CCDC163: variants seen among roughly 807,000 people sequenced by gnomAD.
CCDC163 encodes the protein transmembrane protein CCDC163.
Under a neutral mutation model 8.2 loss-of-function variants are expected in CCDC163, and 13 were observed. That is an observed-to-expected ratio of 1.59 (90% CI 1.04 to 2.54). The LOEUF is 2.54. Ranked by LOEUF, CCDC163 falls within the 30% of genes most tolerant of loss-of-function variation. The pLI is 0.00. For missense variants in CCDC163, 117 were observed against 78.6 expected (o/e 1.49, Z -1.85); for synonymous variants, 41 against 30.9 (o/e 1.33, Z -1.08).
In CCDC163 at chr1:45,496,554, A is replaced by C. The variant is rs1435386385; in HGVS notation, c.330+2T>G. 2 of 780,438 alleles carry C rather than the reference A, an allele frequency of 2.6e-6. No homozygotes were observed. The highest frequency in any genetic ancestry group is 3.4e-5 in the Admixed American group (2 of 58,976). 48.3% of individuals were successfully genotyped at this position (780,438 alleles called of 1,614,324 possible). A position where few individuals can be genotyped will look rare whatever the true frequency, so the allele number is the denominator to read the frequency against. On this transcript the variant is annotated splice_donor_variant, in intron 4 of 4. Coordinates refer to ENST00000629482, the MANE Select transcript of CCDC163 (RefSeq NM_001102601.3). LOFTEE classifies it high-confidence loss of function. ...CAGAGACAAGTCTGAACCTAGTCCTACCTTCCAACTGCCAACCTGAGCCTG... is the reference window on the plus strand; with the variant it reads ...CAGAGACAAGTCTGAACCTAGTCCTCCCTTCCAACTGCCAACCTGAGCCTG...
At chr1:45,497,688 C>A (rs373024152) in intron 2 of CCDC163, among the ~76,000 whole-genome samples, 2 of 62,762 alleles carry the variant, frequency 3.2e-5, no homozygotes, top group African/African-American at 6.7e-5. Context: ...CCGGCAGCCA[C>A]CCCGTCCGGG....
Position 45,499,819 on chromosome 1 carries a change from G to C in CCDC163, c.-210C>G. 1 of 586,694 alleles carries C rather than the reference G, an allele frequency of 1.7e-6. No individual in the cohort carries two copies. Among genetic ancestry groups the C allele is most frequent in the African/African-American group, 1.9e-5 (1 of 53,708 alleles). 36.3% of individuals were successfully genotyped at this position (586,694 alleles called of 1,614,324 possible). A position where few individuals can be genotyped will look rare whatever the true frequency, so the allele number is the denominator to read the frequency against. ...AAAGGAAGGACGCTCTTGGGGAACTGGGGGAAAAGCGGGATACCGTGATGA... is the reference window on the plus strand; with the variant it reads ...AAAGGAAGGACGCTCTTGGGGAACTCGGGGAAAAGCGGGATACCGTGATGA... On this transcript the variant is annotated 5_prime_UTR_variant, in exon 1 of 5. Coordinates refer to ENST00000629482, the MANE Select transcript of CCDC163 (RefSeq NM_001102601.3).
At chr1:45,496,666 T>C in intron 3 of CCDC163, 43 bp from the exon 4 acceptor site, 1 of 753,208 alleles carries the variant, frequency 1.3e-6, no homozygotes. Context: ...CCCCAACTTC[T>C]TTCCTTCTCC....
intron 4 of CCDC163, chr1:45,495,496 T>C: frequency 1.4e-6 from 1 of 702,740 alleles, no homozygotes; most frequent in East Asian, 2.7e-5. Flanking sequence ...ACAGACATGG[T>C]GAAGGTAGTG....
In CCDC163 at chr1:45,494,907, G is replaced by A. The variant is rs1164425459; in HGVS notation, c.*152C>T. ...TGCAGTGAGCTGAGATGGGGGGCAA[G>A]GATGGGCAGGCAGTGAAAAGCCTCA... On this transcript the variant is annotated 3_prime_UTR_variant, in exon 5 of 5. Coordinates refer to ENST00000629482, the MANE Select transcript of CCDC163 (RefSeq NM_001102601.3). 8.0e-6 allele frequency: 5 copies of A among 623,066 alleles called. No individual in the cohort carries two copies. The highest frequency in any genetic ancestry group is 1.4e-5 in the Non-Finnish European group (5 of 346,230). The allele number at this position is 623,066 out of a possible 1,614,324, so 38.6% of individuals were successfully genotyped here. A position where few individuals can be genotyped will look rare whatever the true frequency, so the allele number is the denominator to read the frequency against.
chr1:45,498,024 T>A (rs1359291271), intron 2 of CCDC163, among the ~76,000 whole-genome samples: 2 of 150,206 alleles, frequency 1.3e-5, no homozygotes, highest in African/African-American at 4.9e-5. Flanking sequence ...CTTTTCATTT[T>A]GTTCTGTACT....
At chr1:45,495,690 G>A (rs1439421238) in intron 4 of CCDC163, 2 of 588,082 alleles carry the variant, frequency 3.4e-6, no homozygotes, top group Non-Finnish European at 6.0e-6. Context: ...TTTTTGAGAT[G>A]GAGTCTCACT....
intron 3 of CCDC163, 35 bp downstream of exon 3, chr1:45,497,264 A>G (rs1654238105): frequency 1.3e-6 from 1 of 766,570 alleles, no homozygotes; most frequent in Non-Finnish European, 2.4e-6. Flanking sequence ...GGGGACAAGG[A>G]AACGCATATT....
Position 45,496,546 on chromosome 1 carries a change from C to A in CCDC163, c.330+10G>T. The A allele has an allele frequency of 1.3e-6, 1 of 780,384 alleles. No homozygotes were observed. The allele number at this position is 780,384 out of a possible 1,614,324, so 48.3% of individuals were successfully genotyped here. ...GAAATATGCAGAGACAAGTCTGAAC[C>A]TAGTCCTACCTTCCAACTGCCAACC... is the stretch of plus-strand genomic sequence containing the variant. On this transcript the variant is annotated intron_variant, in intron 4 of 4. Transcript: ENST00000629482.
chr1:45,495,780 C>A (rs1378396462), intron 4 of CCDC163, among the ~76,000 whole-genome samples: 1 of 151,670 alleles, frequency 6.6e-6, no homozygotes, highest in East Asian at 2.0e-4. Context: ...GATTCTCCCA[C>A]CTCAGCCTCT....
At chr1:45,497,723 C>T in intron 2 of CCDC163, among the ~76,000 whole-genome samples, 1 of 37,100 alleles carries the variant, frequency 2.7e-5, no homozygotes, top group African/African-American at 1.2e-4. Context: ...GGTCAGCCCC[C>T]CGCCAGGCCA....
intron 3 of CCDC163, among the ~76,000 whole-genome samples, chr1:45,496,974 A>ACCAGTAG (rs1441290998): frequency 1.3e-5 from 2 of 152,242 alleles, no homozygotes; most frequent in Non-Finnish European, 2.9e-5. Flanking sequence ...CAGCTCGGCC[A>ACCAGTAG]ACATGGTGAA....
At chr1:45,497,620 C>G (rs1270402887) in intron 2 of CCDC163, among the ~76,000 whole-genome samples, 35 of 107,178 alleles carry the variant, frequency 3.3e-4, no homozygotes, top group Middle Eastern at 4.1e-3. Context: ...CCCAAAGTGC[C>G]GAGACTGCAG....
intron 2 of CCDC163, among the ~76,000 whole-genome samples, chr1:45,497,673 T>A (rs1287294116): frequency 6.1e-5 from 4 of 65,096 alleles, no homozygotes; most frequent in African/African-American, 1.3e-4. Context: ...GAGGAGCGTC[T>A]CCGCCCGGCA....
At chr1:45,498,175 G>C (rs1643411208) in intron 2 of CCDC163, among the ~76,000 whole-genome samples, 1 of 151,982 alleles carries the variant, frequency 6.6e-6, no homozygotes, top group Admixed American at 6.6e-5. Context: ...ACAGATGCTT[G>C]AAGGCAGTAT....
intron 2 of CCDC163, among the ~76,000 whole-genome samples, chr1:45,497,888 A>G (rs1345843533): frequency 1.4e-5 from 2 of 146,550 alleles, no homozygotes; most frequent in African/African-American, 5.1e-5. Context: ...TGTGCCCAAC[A>G]GCTCATTGAG....
chr1:45,497,019 A>G (rs1229209761), intron 3 of CCDC163, among the ~76,000 whole-genome samples: 1 of 152,078 alleles, frequency 6.6e-6, no homozygotes, highest in African/African-American at 2.4e-5. Context: ...AAAATATGAA[A>G]AAAAGTGGCT....
chr1:45,496,326 C>T (rs1157290504), intron 4 of CCDC163: 11 of 635,454 alleles, frequency 1.7e-5, no homozygotes, highest in Non-Finnish European at 2.6e-5. Context: ...CATGACTGTC[C>T]TCTTCAGCAC....
rs1319219673 is a variant in CCDC163, at chr1:45,499,563, T to C, written c.47A>G (p.Asn16Ser). 2.6e-6 allele frequency: 2 copies of C among 778,788 alleles called. No homozygotes were observed. The highest frequency in any genetic ancestry group is 4.8e-6 in the Non-Finnish European group (2 of 417,196). The allele number at this position is 778,788 out of a possible 1,614,324, so 48.2% of individuals were successfully genotyped here. The change falls in exon 1 of 5, where the codon AAC (asparagine) becomes AGC (serine). Residue 16 changes from asparagine (N) to serine (S), a missense_variant. By Grantham distance (46) the Asn-to-Ser change is conservative (BLOSUM62 1). Coordinates refer to ENST00000629482, the MANE Select transcript of CCDC163 (RefSeq NM_001102601.3). The stretch of plus-strand genomic sequence containing the variant: ...CCGGACCACATTTCCATCAGTAGCG[T>C]TGAGAAGCACATCCAGCTGCTCAAA... ...SWFEQLDVLLNATDGNVVRNK... is the reference protein window; with the variant it reads ...SWFEQLDVLLSATDGNVVRNK...
Sources: gnomAD v4.1 joint callset for allele counts (sites outside exome capture counted in the v4.1 genomes callset) on GRCh38, gnomAD v4.1.1 for gene constraint, MANE v1.5 for transcripts, NCBI Gene and HGNC (gene_info 2026-07-23, HGNC 2026-07-21) for gene names.